Variants in SKA2 observed in about 807,000 individuals in gnomAD.
The protein encoded by SKA2 is spindle and kinetochore-associated protein 2.
Under a neutral mutation model 16.9 loss-of-function variants are expected in SKA2, and 13 were observed. The observed-to-expected ratio is 0.77, with a 90% CI of 0.50 to 1.22. SKA2 has a LOEUF of 1.22. SKA2 is among the 50% of genes most tolerant of loss of function. SKA2 has a pLI of 0.00. For missense variants in SKA2, 107 were observed against 139.7 expected (o/e 0.77, Z 1.18); for synonymous variants, 47 against 48.5 (o/e 0.97, Z 0.13).
intron 3 of SKA2, among the ~76,000 whole-genome samples, chr17:59,113,629 G>A (rs2093345663): frequency 6.6e-6 from 1 of 151,898 alleles, no homozygotes; most frequent in Admixed American, 6.6e-5. Context: ...TTTGAGACCA[G>A]CCTGACCAAC....
chr17:59,136,967 G>C (rs1599671854), intron 1 of SKA2, among the ~76,000 whole-genome samples: 2 of 152,172 alleles, frequency 1.3e-5, no homozygotes, highest in East Asian at 3.9e-4. Context: ...CAAAGTTATA[G>C]ATGATATTTA....
chr17:59,140,898 C>A (rs1036433128), intron 1 of SKA2, among the ~76,000 whole-genome samples: 1 of 151,344 alleles, frequency 6.6e-6, no homozygotes, highest in African/African-American at 2.4e-5. Flanking sequence ...GCTGGGATTA[C>A]AGGCATGAGC....
chr17:59,152,933 T>C (rs941991189), intron 1 of SKA2, among the ~76,000 whole-genome samples: 6 of 152,150 alleles, frequency 3.9e-5, no homozygotes, highest in Admixed American at 1.3e-4. Context: ...CTTTTTTTCC[T>C]GTCTTCAAAA....
intron 1 of SKA2, among the ~76,000 whole-genome samples, chr17:59,150,568 C>T (rs182730456): frequency 2.6e-5 from 4 of 152,208 alleles, no homozygotes; most frequent in African/African-American, 9.6e-5. Context: ...GAGACCCTGT[C>T]TCCACAAAAA....
At chr17:59,117,085 G>A (rs1010825368) in intron 3 of SKA2, among the ~76,000 whole-genome samples, 4 of 151,934 alleles carry the variant, frequency 2.6e-5, no homozygotes, top group African/African-American at 7.3e-5. Flanking sequence ...AAAGTGCTGG[G>A]ATTACAGGTG....
At chr17:59,132,876 T>C (rs1735040171) in intron 1 of SKA2, among the ~76,000 whole-genome samples, 1 of 152,244 alleles carries the variant, frequency 6.6e-6, no homozygotes, top group Non-Finnish European at 1.5e-5. Flanking sequence ...TTATGACTCA[T>C]TAAATACAAA....
At chr17:59,119,565 T>C in intron 2 of SKA2, 70 bp from the exon 3 acceptor site, 1 of 1,341,410 alleles carries the variant, frequency 7.5e-7, no homozygotes, top group Non-Finnish European at 1.1e-6. Flanking sequence ...TAAAATACTG[T>C]ATACATACAA....
intron 1 of SKA2, among the ~76,000 whole-genome samples, chr17:59,147,706 CT>C (rs2046544203): frequency 1.3e-5 from 2 of 151,080 alleles, no homozygotes; most frequent in Admixed American, 1.3e-4. Context: ...TCAAGTGATC[CT>C]CCTGCCTCAG....
chr17:59,112,243 TCTC>T lies in SKA2; in HGVS notation c.*31_*33del, dbSNP rs763944614. ...CTAAATTTCTCCGGAATTAAGCTCT[TCTC>T]TGTTAGAATTTCCTTTCCAAGTCCA... On this transcript the variant is annotated 3_prime_UTR_variant, in exon 4 of 4. Coordinates refer to ENST00000330137, the MANE Select transcript of SKA2 (RefSeq NM_182620.4). 3.2e-6 allele frequency: 5 copies of T among 1,553,562 alleles called. No homozygotes were observed. In the African/African-American group the frequency reaches 6.8e-5, roughly 21 times the overall value.
intron 1 of SKA2, among the ~76,000 whole-genome samples, chr17:59,149,843 A>G (rs1204043029): frequency 6.6e-6 from 1 of 152,202 alleles, no homozygotes; most frequent in Non-Finnish European, 1.5e-5. Context: ...AAGTTAAACT[A>G]GAGATCAGTG....
chr17:59,130,457 CAAAA>C (rs569934567), intron 2 of SKA2, among the ~76,000 whole-genome samples: 28 of 70,394 alleles, frequency 4.0e-4, no homozygotes, highest in Non-Finnish European at 6.1e-4. Flanking sequence ...ACTAAAAATA[CAAAA>C]AAAAAAAAAA....
At chr17:59,131,218 A>G (rs1250149980) in intron 2 of SKA2, 63 bp downstream of exon 2, 1 of 1,085,772 alleles carries the variant, frequency 9.2e-7, no homozygotes, top group Non-Finnish European at 1.3e-6. Flanking sequence ...GAATGCTATC[A>G]GAAAATTCTA....
At chr17:59,140,764 C>A (rs2046482002) in intron 1 of SKA2, among the ~76,000 whole-genome samples, 1 of 147,284 alleles carries the variant, frequency 6.8e-6, no homozygotes, top group African/African-American at 2.6e-5. Flanking sequence ...GTGCCCACCA[C>A]CACACCCGCC....
intron 2 of SKA2, among the ~76,000 whole-genome samples, chr17:59,125,569 G>A (rs2046366545): frequency 1.3e-5 from 2 of 150,850 alleles, no homozygotes; most frequent in Non-Finnish European, 3.0e-5. Context: ...GGATAGTAGC[G>A]GGTACCTGTA....
At chr17:59,128,786 G>T (rs950151254) in intron 2 of SKA2, among the ~76,000 whole-genome samples, 9 of 152,190 alleles carry the variant, frequency 5.9e-5, no homozygotes, top group Non-Finnish European at 1.2e-4. Flanking sequence ...AGGGTGGTAG[G>T]GAGTAGCTAC....
chr17:59,135,799 A>T (rs2046440592), intron 1 of SKA2, among the ~76,000 whole-genome samples: 1 of 148,240 alleles, frequency 6.7e-6, no homozygotes, highest in African/African-American at 2.4e-5. Flanking sequence ...ATATTTTAAA[A>T]TTTTATATTG....
At chr17:59,150,170 T>C (rs985979958) in intron 1 of SKA2, among the ~76,000 whole-genome samples, 2 of 152,212 alleles carry the variant, frequency 1.3e-5, no homozygotes, top group Non-Finnish European at 2.9e-5. Flanking sequence ...AGTGGGAGGA[T>C]TGCTTGAAGC....
intron 1 of SKA2, among the ~76,000 whole-genome samples, chr17:59,138,133 C>G (rs1399578701): frequency 6.6e-6 from 1 of 151,504 alleles, no homozygotes; most frequent in African/African-American, 2.4e-5. Flanking sequence ...TCTCTAAAAT[C>G]AGTAATAAAA....
chr17:59,125,049 C>T (rs1345576770), intron 2 of SKA2, among the ~76,000 whole-genome samples: 1 of 151,502 alleles, frequency 6.6e-6, no homozygotes. Flanking sequence ...TCTCAGCTCA[C>T]CGCAACTTTC....
Sources: gnomAD v4.1 joint callset for allele counts (sites outside exome capture counted in the v4.1 genomes callset) on GRCh38, gnomAD v4.1.1 for gene constraint, MANE v1.5 for transcripts, NCBI Gene and HGNC (gene_info 2026-07-23, HGNC 2026-07-21) for gene names.